The following ZFHX3 variants were observed in gnomAD, a reference collection of about 807,000 sequenced individuals.
ZFHX3 encodes the protein zinc finger homeobox protein 3.
A neutral mutation model predicts 279.1 loss-of-function variants in ZFHX3; 42 were observed. The ratio of observed to expected loss-of-function variants is 0.15; its 90% CI spans 0.12 to 0.19. The LOEUF (loss-of-function observed/expected upper bound fraction) is 0.19. ZFHX3 is among the 10% of genes least tolerant of loss of function. The pLI, the probability that ZFHX3 is intolerant of heterozygous loss-of-function variation, is 1.00. For synonymous variants in ZFHX3, 2,293 were observed against 1,957.8 expected (o/e 1.17, Z -4.52); for missense variants, 4,981 against 4,754.0 (o/e 1.05, Z -1.40).
At position 73,787,837 on chromosome 16, in the gene ZFHX3, G is replaced by GTGTT. The variant is rs1555501650; in HGVS notation, c.-1608+103813_-1608+103814insAACA. ...AAAGTGTGTGTGTGTGTGTGTGTGT[G>GTGTT]TGTGTGTGTGTGTGTGAAAGAGAGA... On this transcript the variant is annotated intron_variant, in intron 1 of 17. Transcript: ENST00000641206. 2.9e-4 allele frequency among the ~76,000 whole-genome samples: 44 copies of GTGTT among 150,058 alleles called. 1 individual carries two copies. Among genetic ancestry groups the GTGTT allele is most frequent in the African/African-American group, 9.5e-4 (38 of 40,126 alleles).
At position 73,586,425 on chromosome 16, in the gene ZFHX3, CA is replaced by C. The variant is rs371931738; in HGVS notation, c.-1547+93754del. Among the ~76,000 whole-genome samples the C allele has an allele frequency of 5.3e-4, 64 of 120,114 alleles. 3 individuals carry two copies. The East Asian group carries it at 6.8e-3, about 13-fold the overall frequency. The allele number at this position is 120,114 out of a possible 152,430, so 78.8% of individuals were successfully genotyped here. On this transcript the variant is annotated intron_variant, in intron 2 of 17. Coordinates refer to the ZFHX3 transcript ENST00000641206. The stretch of plus-strand genomic sequence containing the variant: ...ACAAACAAACAAACAAACAAACAAA[CA>C]AAAAAACATACAGAAAAGTTGGAGG...
intron 3 of ZFHX3, chr16:73,402,316 T>C (rs1428240591): frequency 6.6e-6 from 1 of 152,232 alleles, no homozygotes; most frequent in Admixed American, 6.5e-5. Context: ...ACGTCTTCAT[T>C]GATGATAGAG....
chr16:73,435,547 T>G (rs1048602109), intron 3 of ZFHX3, among the ~76,000 whole-genome samples: 1 of 152,140 alleles, frequency 6.6e-6, no homozygotes, highest in Non-Finnish European at 1.5e-5. Flanking sequence ...CTGTACTCCG[T>G]AGCAACTTGT....
At chr16:73,819,939 C>A (rs562368515) in intron 1 of ZFHX3, among the ~76,000 whole-genome samples, 1 of 152,146 alleles carries the variant, frequency 6.6e-6, no homozygotes, top group East Asian at 1.9e-4. Flanking sequence ...AAGATGGTCA[C>A]GACAATGTCT....
At chr16:73,555,275 C>G (rs1273917362) in intron 2 of ZFHX3, among the ~76,000 whole-genome samples, 2 of 152,044 alleles carry the variant, frequency 1.3e-5, no homozygotes, top group Non-Finnish European at 2.9e-5. Context: ...CTGCCTCAGC[C>G]TGCCGAATAG....
chr16:73,165,802 G>C (rs1176289928), intron 5 of ZFHX3, among the ~76,000 whole-genome samples: 3 of 152,096 alleles, frequency 2.0e-5, no homozygotes, highest in Admixed American at 6.5e-5. Flanking sequence ...GGATATCAAA[G>C]AAAAAGAAGC....
rs116261060 is a variant in ZFHX3, at chr16:73,295,935, C to T, written c.-1194+22305G>A. On this transcript the variant is annotated intron_variant, in intron 4 of 17. Transcript: ENST00000641206. ...GTGGAAAAGCCACCTGTGTCTCTTG[C>T]CCCAGTTCCAATGGCACCAGCAGGA... 6.3e-3 allele frequency among the ~76,000 whole-genome samples: 961 copies of T among 152,302 alleles called. 10 individuals carry two copies. Among genetic ancestry groups the T allele is most frequent in the African/African-American group, 0.021 (887 of 41,562 alleles).
intron 1 of ZFHX3, among the ~76,000 whole-genome samples, chr16:73,683,003 GAAAGAAAGAGA>G (rs2053042085): frequency 4.7e-5 from 4 of 84,970 alleles, no homozygotes; most frequent in Non-Finnish European, 8.7e-5. Context: ...AAGAAAGAAA[GAAAGAAAGAGA>G]AAGGAGGGAG....
intron 1 of ZFHX3, among the ~76,000 whole-genome samples, chr16:73,683,782 C>G (rs2053051160): frequency 6.6e-6 from 1 of 152,152 alleles, no homozygotes; most frequent in Admixed American, 6.5e-5. Context: ...ACTCTGGATT[C>G]TCATTGTTCT....
intron 2 of ZFHX3, among the ~76,000 whole-genome samples, chr16:72,955,492 C>A (rs931076939): frequency 2.0e-5 from 3 of 152,218 alleles, no homozygotes; most frequent in Non-Finnish European, 2.9e-5. Context: ...AAAAGCCTCA[C>A]TTTAGGCTGG....
chr16:73,669,050 A>AT (rs77659765), intron 2 of ZFHX3, among the ~76,000 whole-genome samples: 130,082 of 149,124 alleles, frequency 0.87, 56,854 homozygotes, highest in East Asian at 0.97. Flanking sequence ...TCTATTTATT[A>AT]TTTTTTTTCT....
chr16:73,610,461 A>T (rs559596945), intron 2 of ZFHX3, among the ~76,000 whole-genome samples: 1 of 152,196 alleles, frequency 6.6e-6, no homozygotes, highest in South Asian at 2.1e-4. Context: ...CCTCTGCTTC[A>T]TACATTTCTT....
intron 1 of ZFHX3, among the ~76,000 whole-genome samples, chr16:73,855,886 G>A (rs1205794669): frequency 6.6e-6 from 1 of 152,126 alleles, no homozygotes; most frequent in Non-Finnish European, 1.5e-5. Flanking sequence ...ACTAAAAACT[G>A]TCTTACGAGA....
At chr16:73,662,098 G>A (rs1243056754) in intron 2 of ZFHX3, among the ~76,000 whole-genome samples, 1 of 151,506 alleles carries the variant, frequency 6.6e-6, no homozygotes, top group East Asian at 1.9e-4. Context: ...GCAGGTGACA[G>A]CTGAGCTGCA....
At chr16:73,163,349 ACTTAATAACAAAACCAGG>A (rs1967284930) in intron 5 of ZFHX3, among the ~76,000 whole-genome samples, 1 of 152,208 alleles carries the variant, frequency 6.6e-6, no homozygotes, top group Non-Finnish European at 1.5e-5. Context: ...TGGGAAAGGG[ACTTAATAACAAAACCAGG>A]CTGCAGATTA....
intron 1 of ZFHX3, among the ~76,000 whole-genome samples, chr16:73,874,754 C>T (rs1392968234): frequency 6.6e-6 from 1 of 152,148 alleles, no homozygotes; most frequent in Non-Finnish European, 1.5e-5. Context: ...TGAATATTCA[C>T]ATACAAAAAT....
chr16:73,509,991 C>T (rs116089416), intron 2 of ZFHX3, among the ~76,000 whole-genome samples: 204 of 152,294 alleles, frequency 1.3e-3, no homozygotes, highest in Admixed American at 2.9e-3. Flanking sequence ...CCATCACGCC[C>T]GGCCTTTGCC....
intron 2 of ZFHX3, among the ~76,000 whole-genome samples, chr16:73,640,025 G>A (rs1421029955): frequency 6.6e-6 from 1 of 152,098 alleles, no homozygotes; most frequent in Non-Finnish European, 1.5e-5. Context: ...GGAGCTCTAC[G>A]TTCTCTCCTC....
chr16:73,129,114 G>A (rs144490909), intron 7 of ZFHX3, among the ~76,000 whole-genome samples: 8 of 152,244 alleles, frequency 5.3e-5, no homozygotes, highest in South Asian at 4.1e-4. Context: ...GGCCTGGTGC[G>A]GAGGGGCACA....
Sources: allele counts gnomAD v4.1 joint callset (sites outside exome capture counted in the v4.1 genomes callset), GRCh38; gene constraint gnomAD v4.1.1; transcripts MANE v1.5; gene names NCBI Gene and HGNC (gene_info 2026-07-23, HGNC 2026-07-21).